The following UPF2 variants were observed in gnomAD, a reference collection of about 807,000 sequenced individuals.
UPF2 encodes the protein regulator of nonsense transcripts 2.
In UPF2, 17 loss-of-function variants were observed where a neutral mutation model predicts 141.4. That is an observed-to-expected ratio of 0.12 (90% CI 0.08 to 0.18). UPF2 has a LOEUF of 0.18. Among genes scored for constraint, UPF2 ranks in the 10% least tolerant of loss-of-function variants. UPF2 has a pLI of 1.00. For synonymous variants in UPF2, 540 were observed against 498.0 expected, an observed-to-expected ratio of 1.08 and a Z score of -1.12; for missense variants, 1,152 against 1,515.9, an observed-to-expected ratio of 0.76 and a Z score of 3.99.
At chr10:12,025,486 G>T (rs907838299) in intron 3 of UPF2, among the ~76,000 whole-genome samples, 1 of 152,080 alleles carries the variant, frequency 6.6e-6, no homozygotes. Context: ...GGGAGGCAAA[G>T]GTTGCAGTGA....
Position 11,956,458 on chromosome 10 carries a change from A to G in UPF2, c.2436T>C (p.Cys812=). ...DQEVKDYVIC[C]MINIWNVKYN... ...ATTTCACATTCCAGATGTTTATCATACAACAAATAACATAGTCTTTCACTT... is the reference window on the plus strand; with the variant it reads ...ATTTCACATTCCAGATGTTTATCATGCAACAAATAACATAGTCTTTCACTT... Residue 812 remains cysteine (C), a synonymous_variant, in exon 13 of 22, where the codon TGT becomes TGC. Transcript: ENST00000357604. The surrounding 1 kb of genome is among the most constrained non-coding windows in gnomAD (Gnocchi z 4.2). The G allele has an allele frequency of 6.2e-7, 1 of 1,614,136 alleles. No individual in the cohort carries two copies. The highest frequency in any genetic ancestry group is 8.5e-7 in the Non-Finnish European group (1 of 1,179,968).
At chr10:11,927,359 T>C (rs1009975206) in intron 21 of UPF2, among the ~76,000 whole-genome samples, 2 of 152,246 alleles carry the variant, frequency 1.3e-5, no homozygotes, top group Non-Finnish European at 2.9e-5. Flanking sequence ...CAAGATATTA[T>C]GCTGGTGCAA....
intron 21 of UPF2, 69 bp downstream of exon 21, chr10:11,929,796 A>T (rs892927799): frequency 6.4e-7 from 1 of 1,554,096 alleles, no homozygotes; most frequent in African/African-American, 1.4e-5. Flanking sequence ...TATAATCCAG[A>T]ATTCCCTAAT....
intron 11 of UPF2, among the ~76,000 whole-genome samples, chr10:11,960,461 G>A (rs1004908186): frequency 2.0e-5 from 3 of 152,046 alleles, no homozygotes; most frequent in Admixed American, 6.6e-5. Context: ...CCAGCTACTC[G>A]GGAAGCTGAA....
chr10:12,009,918 G>A (rs189152434), intron 4 of UPF2, among the ~76,000 whole-genome samples: 1 of 152,262 alleles, frequency 6.6e-6, no homozygotes, highest in African/African-American at 2.4e-5. Flanking sequence ...GAGGAAACTA[G>A]GTGAGACTGG....
At position 11,921,919 on chromosome 10, in the gene UPF2, C is replaced by A. The variant is rs576423250; in HGVS notation, c.3810-612G>T. On this transcript the variant is annotated intron_variant, in intron 21 of 21. Transcript: ENST00000357604. This position sits in a 1 kb window ranked among gnomAD's most constrained non-coding sequence, Gnocchi z 5.9. ...TGAACTGCAGGACCTCAGAATGTGA[C>A]CGTATTTGGAAACAAGGTTGCTGTA... is the stretch of plus-strand genomic sequence containing the variant. Among the ~76,000 whole-genome samples the A allele has an allele frequency of 1.3e-5, 2 of 152,288 alleles. No individual in the cohort carries two copies. Among genetic ancestry groups the A allele is most frequent in the African/African-American group, 2.4e-5 (1 of 41,544 alleles).
chr10:12,034,220 C>G (rs1025147843), intron 2 of UPF2, among the ~76,000 whole-genome samples: 50 of 152,162 alleles, frequency 3.3e-4, no homozygotes, highest in African/African-American at 1.2e-3. Flanking sequence ...CTGTACAATG[C>G]CTGATAGATA....
Position 12,009,248 on chromosome 10 carries a change from A to C in UPF2, c.1307-4521T>G, listed in dbSNP as rs575830664. On this transcript the variant is annotated intron_variant, in intron 4 of 21. Transcript: ENST00000357604. ...TATACAGAAAGAAGCAGGTTCAGAG[A>C]TTTTGTTACAGCACTGACAATAATA... is the stretch of plus-strand genomic sequence containing the variant. Among the ~76,000 whole-genome samples, 10 of 152,360 alleles carry C rather than the reference A, an allele frequency of 6.6e-5. No homozygotes were observed. The South Asian group carries it at 2.1e-3, about 32-fold the overall frequency.
chr10:12,032,409 A>G (rs1030323389), intron 2 of UPF2, among the ~76,000 whole-genome samples: 5 of 152,170 alleles, frequency 3.3e-5, no homozygotes, highest in Admixed American at 6.6e-5. Context: ...GGTAAATGCT[A>G]TGATGCTCTA....
intron 2 of UPF2, among the ~76,000 whole-genome samples, chr10:12,033,967 A>G (rs537807341): frequency 1.3e-5 from 2 of 152,376 alleles, no homozygotes; most frequent in African/African-American, 4.8e-5. Context: ...TTACTTGCAC[A>G]GGTTTACAAG....
At chr10:11,987,789 A>AAAG in intron 8 of UPF2, among the ~76,000 whole-genome samples, 1 of 141,470 alleles carries the variant, frequency 7.1e-6, no homozygotes, top group Admixed American at 7.0e-5. Context: ...AAAAAAAAAA[A>AAAG]GGCTAAAGGA....
Position 11,943,016 on chromosome 10 carries a change from T to A in UPF2, c.3279+48A>T, listed in dbSNP as rs371623214. The A allele has an allele frequency of 5.8e-6, 8 of 1,382,526 alleles. No homozygotes were observed. The Admixed American group carries it at 1.5e-4, about 26-fold the overall frequency. The allele number at this position is 1,382,526 out of a possible 1,614,324, so 85.6% of individuals were successfully genotyped here. A position where few individuals can be genotyped will look rare whatever the true frequency, so the allele number is the denominator to read the frequency against. On this transcript the variant is annotated intron_variant, in intron 17 of 21. Transcript: ENST00000357604. ...TTTCGTGACTAAAATTCAAATACTA[T>A]AAAAATGCTGCACAATTTCAAAAAG...
intron 12 of UPF2, among the ~76,000 whole-genome samples, chr10:11,957,339 G>T (rs1227031231): frequency 2.6e-5 from 4 of 151,818 alleles, no homozygotes; most frequent in Non-Finnish European, 4.4e-5. Flanking sequence ...TGAGGCAAGA[G>T]AATCACTTGA....
chr10:11,938,704 C>A (rs1158578070), intron 18 of UPF2, among the ~76,000 whole-genome samples: 5 of 151,754 alleles, frequency 3.3e-5, no homozygotes, highest in African/African-American at 1.2e-4. Flanking sequence ...AAGTATTAGG[C>A]CTTTGTGTAG....
chr10:12,005,716 C>T (rs545168428), intron 4 of UPF2, among the ~76,000 whole-genome samples: 10 of 151,702 alleles, frequency 6.6e-5, no homozygotes, highest in Admixed American at 5.2e-4. Flanking sequence ...TTACAGGCGC[C>T]CGCCACCACA....
At chr10:11,942,931 A>C (rs1305324487) in intron 17 of UPF2, 133 bp downstream of exon 17, 1 of 945,872 alleles carries the variant, frequency 1.1e-6, no homozygotes, top group Middle Eastern at 2.6e-4. Flanking sequence ...TGGTTAGGAA[A>C]ACAAATTGAA....
intron 1 of UPF2, among the ~76,000 whole-genome samples, chr10:12,039,672 G>A (rs1834700600): frequency 1.3e-5 from 2 of 150,050 alleles, no homozygotes; most frequent in Non-Finnish European, 3.0e-5. Context: ...CCAGGCTGGA[G>A]TGCAGTGGCA....
chr10:11,948,304 G>T (rs1212768142), intron 16 of UPF2, 65 bp downstream of exon 16: 5 of 1,325,136 alleles, frequency 3.8e-6, no homozygotes, highest in Non-Finnish European at 5.0e-6. Flanking sequence ...AAAAAATTTT[G>T]GCTCATATAA....
rs1304513483 is a variant in UPF2 at position 12,019,683 on chromosome 10, G to C, written c.1146-5499C>G. Reference sequence around the variant, plus strand: ...ATACGTGAGACATCACTGTCCAGAAGAATCTCTAAAGTACGTCAGTCCTTG... The same window carrying C: ...ATACGTGAGACATCACTGTCCAGAACAATCTCTAAAGTACGTCAGTCCTTG... On this transcript the variant is annotated intron_variant, in intron 3 of 21. Transcript: ENST00000357604. The surrounding 1 kb of genome is among the most constrained non-coding windows in gnomAD (Gnocchi z 4.5). Among the ~76,000 whole-genome samples, 1 of 152,128 alleles carries C rather than the reference G, an allele frequency of 6.6e-6. No individual in the cohort carries two copies. The highest frequency in any genetic ancestry group is 1.5e-5 in the Non-Finnish European group (1 of 68,014).
Sources: allele counts gnomAD v4.1 joint callset (sites outside exome capture counted in the v4.1 genomes callset), GRCh38; gene constraint gnomAD v4.1.1; non-coding constraint Gnocchi (gnomAD v3.1); transcripts MANE v1.5; gene names NCBI Gene and HGNC (gene_info 2026-07-23, HGNC 2026-07-21).